Variants in SIAH3 observed in about 807,000 individuals in gnomAD.
SIAH3 encodes seven in absentia homolog 3.
A neutral mutation model predicts 12.6 loss-of-function variants in SIAH3; 9 were observed. The observed-to-expected ratio is 0.72, with a 90% CI of 0.43 to 1.25. The LOEUF is 1.25. Ranked by LOEUF, SIAH3 falls within the 50% of genes most tolerant of loss-of-function variation. The pLI, the probability that SIAH3 is intolerant of heterozygous loss-of-function variation, is 0.00. For synonymous variants in SIAH3, 154 were observed against 151.1 expected, an observed-to-expected ratio of 1.02 and a Z score of -0.14; for missense variants, 390 against 365.4, an observed-to-expected ratio of 1.07 and a Z score of -0.55.
chr13:45,851,214 C>T (rs1330304827), intron 1 of SIAH3, among the ~76,000 whole-genome samples: 1 of 152,150 alleles, frequency 6.6e-6, no homozygotes, highest in South Asian at 2.1e-4. Flanking sequence ...CTCACTTCTG[C>T]CCCCCACGCC....
intron 1 of SIAH3, among the ~76,000 whole-genome samples, chr13:45,827,976 A>G (rs1227699492): frequency 6.6e-6 from 1 of 152,162 alleles, no homozygotes; most frequent in African/African-American, 2.4e-5. Context: ...AAATTCTTAA[A>G]TTTTAACAAC....
At chr13:45,803,830 T>C (rs1950590359) in intron 1 of SIAH3, among the ~76,000 whole-genome samples, 1 of 152,158 alleles carries the variant, frequency 6.6e-6, no homozygotes, top group Non-Finnish European at 1.5e-5. Context: ...ATGAAGGCTT[T>C]GGTGTGCCAC....
rs1353159469 is a variant in SIAH3 at position 45,782,877 on chromosome 13, G to A, written c.*506C>T. ...TTGAGGTTCCTGGGAAGCTGTCAGA[G>A]TCATGTCTGGATGGTCTGAAATGTG... is the stretch of plus-strand genomic sequence containing the variant. On this transcript the variant is annotated 3_prime_UTR_variant, in exon 2 of 2. Coordinates refer to ENST00000400405, the MANE Select transcript of SIAH3 (RefSeq NM_198849.3). 2 of 152,514 alleles carry A rather than the reference G, an allele frequency of 1.3e-5. No individual in the cohort carries two copies. The highest frequency in any genetic ancestry group is 4.8e-5 in the African/African-American group (2 of 41,428). 9.4% of individuals were successfully genotyped at this position (152,514 alleles called of 1,614,324 possible).
intron 1 of SIAH3, among the ~76,000 whole-genome samples, chr13:45,799,643 T>C (rs903435751): frequency 1.3e-5 from 2 of 152,236 alleles, no homozygotes; most frequent in Non-Finnish European, 2.9e-5. Flanking sequence ...GTAGTGGAGC[T>C]GGGCTTTGAT....
chr13:45,801,501 A>G (rs1950582374), intron 1 of SIAH3, among the ~76,000 whole-genome samples: 1 of 152,186 alleles, frequency 6.6e-6, no homozygotes, highest in African/African-American at 2.4e-5. Flanking sequence ...GGAGTTTCAC[A>G]ACACTTGATT....
intron 1 of SIAH3, among the ~76,000 whole-genome samples, chr13:45,849,031 A>C (rs1950770313): frequency 6.6e-6 from 1 of 152,226 alleles, no homozygotes; most frequent in African/African-American, 2.4e-5. Flanking sequence ...TTATACAAGC[A>C]ATGGGGCAGT....
intron 1 of SIAH3, among the ~76,000 whole-genome samples, chr13:45,810,916 G>A (rs890165296): frequency 2.6e-5 from 4 of 152,308 alleles, no homozygotes; most frequent in African/African-American, 9.6e-5. Flanking sequence ...AAAAGAGAAT[G>A]TACTGCTTGC....
chr13:45,807,531 G>A (rs1020290464), intron 1 of SIAH3, among the ~76,000 whole-genome samples: 3 of 152,008 alleles, frequency 2.0e-5, no homozygotes, highest in African/African-American at 7.3e-5. Context: ...GTTTAGCATT[G>A]TATATTATTA....
At position 45,782,800 on chromosome 13, in the gene SIAH3, GCCCT is replaced by G. The variant is rs1950509928; in HGVS notation, c.*579_*582del. The stretch of plus-strand genomic sequence containing the variant: ...AATGACACCTCTAGCCCAGTCCCCA[GCCCT>G]GCGGTGGAGACACGATCTCCTCATG... On this transcript the variant is annotated 3_prime_UTR_variant, in exon 2 of 2. Transcript: ENST00000400405. The G allele has an allele frequency of 1.2e-4, 4 of 34,432 alleles. No homozygotes were observed. In the Admixed American group the frequency reaches 1.7e-3, roughly 15 times the overall value. The allele number at this position is 34,432 out of a possible 1,614,324, so 2.1% of individuals were successfully genotyped here. A position where few individuals can be genotyped will look rare whatever the true frequency, so the allele number is the denominator to read the frequency against.
Position 45,848,619 on chromosome 13 carries a change from C to A in SIAH3, c.135+2876G>T, listed in dbSNP as rs79039136. Among the ~76,000 whole-genome samples, 1,670 of 152,292 alleles carry A rather than the reference C, an allele frequency of 0.011. 100 individuals are homozygous for A. The East Asian group carries it at 0.13, about 12-fold the overall frequency. On this transcript the variant is annotated intron_variant, in intron 1 of 1. Coordinates refer to ENST00000400405, the MANE Select transcript of SIAH3 (RefSeq NM_198849.3). The stretch of plus-strand genomic sequence containing the variant: ...CTTGGTAAGTGAATTTTGATTATAA[C>A]TCAGCACTTGCCTCAGTTTCTAAAA...
Position 45,783,561 on chromosome 13 carries a change from C to A in SIAH3, c.632G>T (p.Arg211Leu), listed in dbSNP as rs775615903. Residue 211 changes from arginine to leucine, a missense_variant, in exon 2 of 2, where the codon CGC (arginine) becomes CTC (leucine). Coordinates refer to ENST00000400405, the MANE Select transcript of SIAH3 (RefSeq NM_198849.3). ...YRLELNRNHR[R>L]LKWEATPRSV... ...CCGGGGCGTGGCCTCCCACTTGAGG[C>A]GCCGATGGTTTCTGTTGAGCTCCAG... 5.6e-6 allele frequency: 9 copies of A among 1,614,198 alleles called. No individual in the cohort carries two copies. The highest frequency in any genetic ancestry group is 7.6e-6 in the Non-Finnish European group (9 of 1,180,032).
intron 1 of SIAH3, among the ~76,000 whole-genome samples, chr13:45,846,876 T>A (rs1950762139): frequency 6.6e-6 from 1 of 152,212 alleles, no homozygotes; most frequent in South Asian, 2.1e-4. Context: ...GCCTCCCCGT[T>A]ATGTGACTCA....
At chr13:45,829,368 C>T (rs558006069) in intron 1 of SIAH3, among the ~76,000 whole-genome samples, 1 of 152,098 alleles carries the variant, frequency 6.6e-6, no homozygotes, top group Non-Finnish European at 1.5e-5. Context: ...TTTGGGAGGC[C>T]GAGGTGGGAG....
chr13:45,783,519 A>G lies in SIAH3; in HGVS notation c.674T>C (p.Val225Ala), dbSNP rs764634878. ...GTCCCCGTCCGTAATCACCGAGTCC[A>G]CGCACTCAAGAACAGACCGGGGCGT... is the stretch of plus-strand genomic sequence containing the variant. ...EATPRSVLEC[V>A]DSVITDGDCL... Residue 225 changes from valine to alanine, a missense_variant, in exon 2 of 2, where the codon GTG (valine) becomes GCG (alanine). Coordinates refer to ENST00000400405, the MANE Select transcript of SIAH3 (RefSeq NM_198849.3). 7 of 1,614,240 alleles carry G rather than the reference A, an allele frequency of 4.3e-6. No homozygotes were observed. The South Asian group carries it at 7.7e-5, about 18-fold the overall frequency.
intron 1 of SIAH3, among the ~76,000 whole-genome samples, chr13:45,810,074 C>T (rs531589691): frequency 3.3e-5 from 5 of 152,316 alleles, no homozygotes; most frequent in Non-Finnish European, 4.4e-5. Context: ...CCTGAGGCAG[C>T]GACCTGAAGG....
chr13:45,824,540 T>A (rs926129463), intron 1 of SIAH3, among the ~76,000 whole-genome samples: 4 of 152,210 alleles, frequency 2.6e-5, no homozygotes, highest in African/African-American at 9.6e-5. Flanking sequence ...GCAGAGTATC[T>A]GGGGTTGAGA....
intron 1 of SIAH3, among the ~76,000 whole-genome samples, chr13:45,843,255 G>A (rs1336444836): frequency 2.0e-5 from 3 of 151,954 alleles, no homozygotes; most frequent in Non-Finnish European, 4.4e-5. Context: ...AAGGTGCAAC[G>A]AACTGCAGGG....
In SIAH3 at chr13:45,783,955, G is replaced by A. The variant is rs768191682; in HGVS notation, c.238C>T (p.His80Tyr). Reference protein sequence around the residue: ...HHHCHHRHHHHLRHHAHPHHL... With the variant: ...HHHCHHRHHHYLRHHAHPHHL... ...TGGGGGTGGGCGTGGTGGCGGAGGT[G>A]GTGGTGGTGGCGGTGGTGGCAGTGG... The change falls in exon 2 of 2, where the codon CAC (histidine) becomes TAC (tyrosine). Residue 80 changes from histidine (H) to tyrosine (Y), a missense_variant. Transcript: ENST00000400405. The A allele has an allele frequency of 6.2e-7, 1 of 1,606,268 alleles. No individual in the cohort carries two copies. Among genetic ancestry groups the A allele is most frequent in the Non-Finnish European group, 8.5e-7 (1 of 1,176,620 alleles).
At chr13:45,791,397 T>C (rs1368642482) in intron 1 of SIAH3, among the ~76,000 whole-genome samples, 1 of 152,194 alleles carries the variant, frequency 6.6e-6, no homozygotes, top group East Asian at 1.9e-4. Flanking sequence ...GAATGAATGA[T>C]TCATAAACAG....
Sources: allele counts gnomAD v4.1 joint callset (sites outside exome capture counted in the v4.1 genomes callset), GRCh38; gene constraint gnomAD v4.1.1; transcripts MANE v1.5; gene names NCBI Gene and HGNC (gene_info 2026-07-23, HGNC 2026-07-21).